Variants in RPS6KC1 observed in about 807,000 individuals in gnomAD.
RPS6KC1 encodes the protein ribosomal protein S6 kinase C1, also known as inactive ribosomal protein S6 kinase delta-1.
Under a neutral mutation model 103.8 loss-of-function variants are expected in RPS6KC1, and 54 were observed. The observed-to-expected ratio is 0.52, with a 90% CI of 0.42 to 0.65. The LOEUF is 0.65. Ranked by LOEUF, RPS6KC1 falls within the 30% of genes least tolerant of loss-of-function variation. The probability of loss-of-function intolerance (pLI) is 0.00; values close to 1 mark genes in which losing one functional copy is unlikely to be tolerated. For missense variants in RPS6KC1, 1,151 were observed against 1,253.8 expected (o/e 0.92, Z 1.24); for synonymous variants, 439 against 438.7 (o/e 1.00, Z -0.01).
the RPS6KC1 span, among the ~76,000 whole-genome samples, chr1:213,853,575 T>G: frequency 6.6e-6 from 1 of 152,228 alleles, no homozygotes; most frequent in African/African-American, 2.4e-5. Flanking sequence ...GGGTTTGATT[T>G]TGGGGTTTTG....
At chr1:213,576,466 C>T in the RPS6KC1 span, among the ~76,000 whole-genome samples, 1 of 150,884 alleles carries the variant, frequency 6.6e-6, no homozygotes, top group Admixed American at 6.6e-5. Flanking sequence ...TATTCACTTC[C>T]TGTCTCTGTC....
chr1:213,458,972 G>C, the RPS6KC1 span, among the ~76,000 whole-genome samples: 1 of 152,056 alleles, frequency 6.6e-6, no homozygotes, highest in Non-Finnish European at 1.5e-5. Flanking sequence ...ATTGTGGTGG[G>C]TAAGCTTTTT....
chr1:213,289,687 A>G, the RPS6KC1 span, among the ~76,000 whole-genome samples: 1 of 152,322 alleles, frequency 6.6e-6, no homozygotes, highest in South Asian at 2.1e-4. Flanking sequence ...TGTTACTTCT[A>G]TCTACTCTAT....
At chr1:213,287,491 C>T in the RPS6KC1 span, among the ~76,000 whole-genome samples, 1 of 152,076 alleles carries the variant, frequency 6.6e-6, no homozygotes, top group Non-Finnish European at 1.5e-5. Flanking sequence ...TGTCCTTGTG[C>T]GGTGTACAAC....
intron 4 of RPS6KC1, among the ~76,000 whole-genome samples, chr1:213,106,946 CT>C (rs1227451468): frequency 3.3e-5 from 5 of 149,314 alleles, no homozygotes; most frequent in South Asian, 2.1e-4. Flanking sequence ...TTATTTTATT[CT>C]TTTTTTTTTC....
At chr1:213,683,940 A>G in the RPS6KC1 span, among the ~76,000 whole-genome samples, 1 of 152,180 alleles carries the variant, frequency 6.6e-6, no homozygotes, top group Non-Finnish European at 1.5e-5. Context: ...CTTTATAGCC[A>G]TAACAAAGAG....
intron 1 of RPS6KC1, among the ~76,000 whole-genome samples, chr1:213,062,706 C>G (rs1468883239): frequency 6.6e-6 from 1 of 151,854 alleles, no homozygotes; most frequent in Non-Finnish European, 1.5e-5. Flanking sequence ...ACAGGCGAGC[C>G]CCACCACACC....
intron 8 of RPS6KC1, among the ~76,000 whole-genome samples, chr1:213,227,049 ACAAT>A (rs1286258669): frequency 6.6e-6 from 1 of 152,232 alleles, no homozygotes; most frequent in Non-Finnish European, 1.5e-5. Flanking sequence ...TCCAGAGAGT[ACAAT>A]CAGTTTTATG....
At chr1:213,214,531 G>C (rs1350947716) in intron 8 of RPS6KC1, among the ~76,000 whole-genome samples, 2 of 152,202 alleles carry the variant, frequency 1.3e-5, no homozygotes, top group Non-Finnish European at 2.9e-5. Context: ...GAGAGTAGTG[G>C]TTCTCCCAGC....
intron 6 of RPS6KC1, among the ~76,000 whole-genome samples, chr1:213,167,474 A>G (rs2091077594): frequency 6.8e-6 from 1 of 146,116 alleles, no homozygotes; most frequent in African/African-American, 2.5e-5. Context: ...ACACACACAC[A>G]CACACACACA....
At chr1:213,393,523 C>CA in the RPS6KC1 span, among the ~76,000 whole-genome samples, 1 of 152,164 alleles carries the variant, frequency 6.6e-6, no homozygotes, top group African/African-American at 2.4e-5. Flanking sequence ...ACCTTCTGAG[C>CA]AAAAAAGACC....
chr1:213,737,485 T>C, the RPS6KC1 span, among the ~76,000 whole-genome samples: 1 of 152,178 alleles, frequency 6.6e-6, no homozygotes, highest in Non-Finnish European at 1.5e-5. Context: ...CAAAACAACA[T>C]GGGGACAAGT....
chr1:213,459,568 T>TC, the RPS6KC1 span, among the ~76,000 whole-genome samples: 1 of 152,128 alleles, frequency 6.6e-6, no homozygotes, highest in South Asian at 2.1e-4. Context: ...TTTGGAGGGT[T>TC]TTTTTCTGTC....
chr1:213,442,513 C>T, the RPS6KC1 span, among the ~76,000 whole-genome samples: 4 of 152,174 alleles, frequency 2.6e-5, no homozygotes, highest in African/African-American at 4.8e-5. Context: ...TGATCTGTTA[C>T]GTGTCTTGGA....
At position 213,202,448 on chromosome 1, in the gene RPS6KC1, A is replaced by G. The variant is rs78575860; in HGVS notation, c.1044+25956A>G. ...GCCAACATAGTGCAACCCTGTCTCT[A>G]CTAAATATCCAGAAATTAGCCAGGT... On this transcript the variant is annotated intron_variant, in intron 8 of 14. Coordinates refer to ENST00000366960, the MANE Select transcript of RPS6KC1 (RefSeq NM_012424.6). 6.4e-3 allele frequency among the ~76,000 whole-genome samples: 980 copies of G among 152,234 alleles called. 14 individuals carry two copies. Among genetic ancestry groups the G allele is most frequent in the African/African-American group, 0.022 (908 of 41,534 alleles).
chr1:213,830,450 G>A, the RPS6KC1 span, among the ~76,000 whole-genome samples: 1 of 152,218 alleles, frequency 6.6e-6, no homozygotes, highest in East Asian at 1.9e-4. Flanking sequence ...TCACGAGCAG[G>A]TAGTCTGGCT....
chr1:213,215,636 G>T (rs1434437911), intron 8 of RPS6KC1, among the ~76,000 whole-genome samples: 3 of 152,128 alleles, frequency 2.0e-5, no homozygotes, highest in Admixed American at 2.0e-4. Context: ...GAGAAAGGTC[G>T]GGTTACCCAT....
the RPS6KC1 span, among the ~76,000 whole-genome samples, chr1:213,844,956 A>C: frequency 6.6e-6 from 1 of 150,604 alleles, no homozygotes; most frequent in African/African-American, 2.4e-5. Context: ...CAGCACCCCC[A>C]CATTACGGGA....
rs1311111546 is a variant in RPS6KC1 at position 213,246,906 on chromosome 1, G to C, written c.2911+4248G>C. Among the ~76,000 whole-genome samples, 3 of 152,042 alleles carry C rather than the reference G, an allele frequency of 2.0e-5. No homozygotes were observed. The East Asian group carries it at 5.8e-4, about 29-fold the overall frequency. On this transcript the variant is annotated intron_variant, in intron 12 of 14. Transcript: ENST00000366960. The stretch of plus-strand genomic sequence containing the variant: ...CCTTGTCTCTTAAAGAAAAATACAA[G>C]AAAATGATATTTGAAAGCTTAATAT...
Sources: gnomAD v4.1 joint callset for allele counts (sites outside exome capture counted in the v4.1 genomes callset) on GRCh38, gnomAD v4.1.1 for gene constraint, MANE v1.5 for transcripts, NCBI Gene and HGNC (gene_info 2026-07-23, HGNC 2026-07-21) for gene names.